SLC16A9: variants seen among roughly 807,000 people sequenced by gnomAD.
SLC16A9 encodes the protein solute carrier family 16 member 9.
SLC16A9 carries 26 observed loss-of-function variants against 44.3 expected under a neutral mutation model. That is an observed-to-expected ratio of 0.59 (90% CI 0.43 to 0.81). SLC16A9 has a LOEUF of 0.81. SLC16A9 is among the 40% of genes least tolerant of loss of function. The pLI is 0.00. For synonymous variants in SLC16A9, 230 were observed against 225.1 expected (o/e 1.02, Z -0.19); for missense variants, 559 against 595.8 (o/e 0.94, Z 0.64).
At chr10:59,669,795 A>G (rs1480269949) in intron 3 of SLC16A9, among the ~76,000 whole-genome samples, 1 of 151,854 alleles carries the variant, frequency 6.6e-6, no homozygotes, top group African/African-American at 2.4e-5. Flanking sequence ...CTCCGTCTCG[A>G]AAGAAAAAAA....
intron 3 of SLC16A9, among the ~76,000 whole-genome samples, chr10:59,665,921 C>T (rs1839604878): frequency 6.6e-6 from 1 of 151,936 alleles, no homozygotes; most frequent in Non-Finnish European, 1.5e-5. Context: ...GATTTAAAGG[C>T]CTTAGGGTTC....
At chr10:59,705,608 G>A (rs528067188) in intron 1 of SLC16A9, among the ~76,000 whole-genome samples, 9 of 152,094 alleles carry the variant, frequency 5.9e-5, no homozygotes, top group African/African-American at 1.9e-4. Flanking sequence ...TTTTTCTATC[G>A]GAAGTTTTAA....
chr10:59,660,248 C>G (rs765495982), intron 4 of SLC16A9, among the ~76,000 whole-genome samples: 1 of 152,040 alleles, frequency 6.6e-6, no homozygotes, highest in South Asian at 2.1e-4. Flanking sequence ...AATACATAGA[C>G]CGCTAGCCAG....
chr10:59,698,452 A>C (rs887695648), intron 1 of SLC16A9, among the ~76,000 whole-genome samples: 4 of 152,224 alleles, frequency 2.6e-5, no homozygotes, highest in Non-Finnish European at 5.9e-5. Context: ...CTCTGGCTAG[A>C]GAATGAGCAC....
intron 1 of SLC16A9, among the ~76,000 whole-genome samples, chr10:59,700,737 T>G (rs1466554559): frequency 6.6e-6 from 1 of 152,206 alleles, no homozygotes; most frequent in East Asian, 1.9e-4. Flanking sequence ...TCATCATTCC[T>G]CTACTCAGTG....
At chr10:59,655,319 A>C (rs563175963) in intron 4 of SLC16A9, among the ~76,000 whole-genome samples, 1 of 152,262 alleles carries the variant, frequency 6.6e-6, no homozygotes, top group African/African-American at 2.4e-5. Context: ...AAAAAAACCC[A>C]AAAACCAAGT....
upstream of SLC16A9, chr10:59,710,021 A>T (rs1336787947): frequency 1.3e-5 from 2 of 152,074 alleles, no homozygotes; most frequent in Non-Finnish European, 2.9e-5. Flanking sequence ...CCAGGCCTGG[A>T]GCCACCAAAG....
intron 1 of SLC16A9, among the ~76,000 whole-genome samples, chr10:59,707,463 A>T (rs1192284651): frequency 6.6e-6 from 1 of 151,946 alleles, no homozygotes; most frequent in Non-Finnish European, 1.5e-5. Context: ...AAGGATACAA[A>T]ATTTCAGTTA....
chr10:59,662,008 A>G (rs528729463), intron 4 of SLC16A9, among the ~76,000 whole-genome samples: 36 of 152,118 alleles, frequency 2.4e-4, no homozygotes, highest in African/African-American at 8.0e-4. Context: ...AGATTTAAAT[A>G]TAAGACCTAA....
At chr10:59,666,871 CAAAAA>C (rs34639816) in intron 3 of SLC16A9, among the ~76,000 whole-genome samples, 1 of 114,954 alleles carries the variant, frequency 8.7e-6, no homozygotes. Flanking sequence ...TATTTTCCAG[CAAAAA>C]AAAAAAAAAA....
At chr10:59,678,540 C>CTTTTTTTTTTTTTTTTTTTTT (rs1426559419) in intron 2 of SLC16A9, among the ~76,000 whole-genome samples, 20 of 22,304 alleles carry the variant, frequency 9.0e-4, no homozygotes, top group South Asian at 3.0e-3. Flanking sequence ...TTTTCTTTTT[C>CTTTTTTTTTTTTTTTTTTTTT]TTTTTCTTTT....
chr10:59,668,639 T>C (rs11006677), intron 3 of SLC16A9, among the ~76,000 whole-genome samples: 4,472 of 152,300 alleles, frequency 0.029, 204 homozygotes, highest in African/African-American at 0.1. Context: ...AAAACAATCT[T>C]GTAAGATAGT....
Position 59,681,817 on chromosome 10 carries a change from TG to T in SLC16A9, c.196+2278del, listed in dbSNP as rs1372100805. Among the ~76,000 whole-genome samples, 17 of 43,590 alleles carry T rather than the reference TG, an allele frequency of 3.9e-4. 2 individuals are homozygous for T. Among genetic ancestry groups the T allele is most frequent in the African/African-American group, 1.4e-3 (17 of 11,888 alleles). 28.6% of individuals were successfully genotyped at this position (43,590 alleles called of 152,430 possible). A position where few individuals can be genotyped will look rare whatever the true frequency, so the allele number is the denominator to read the frequency against. Reference sequence around the variant, plus strand: ...GTATATGTATATGTATATGTATATATGATGTATATGTATATGTATATGATGT... The same window carrying T: ...GTATATGTATATGTATATGTATATATATGTATATGTATATGTATATGATGT... On this transcript the variant is annotated intron_variant, in intron 2 of 5. Transcript: ENST00000395348.
intron 1 of SLC16A9, among the ~76,000 whole-genome samples, chr10:59,686,900 A>AC (rs1840146887): frequency 6.6e-6 from 1 of 152,184 alleles, no homozygotes; most frequent in Non-Finnish European, 1.5e-5. Context: ...GTACTGCAAG[A>AC]CCAGTGTCAG....
rs1201996379 is a variant in SLC16A9 at position 59,653,959 on chromosome 10, C to T, written c.1067G>A (p.Gly356Asp). ...ISIIGIMTAV[G>D]KLLLGILADF... ...AGCCAGTATCCCTAAAAGCAGTTTA[C>T]CAACTGCTGTCATAATGCCTATAAT... The change falls in exon 5 of 6, where the codon GGT becomes GAT. Residue 356 changes from glycine to aspartate, a missense_variant. Gly to Asp is a moderately conservative substitution (Grantham distance 94). Transcript: ENST00000395348. 1 of 1,613,932 alleles carries T rather than the reference C, an allele frequency of 6.2e-7. No homozygotes were observed. The highest frequency in any genetic ancestry group is 1.3e-5 in the African/African-American group (1 of 75,048).
intron 1 of SLC16A9, among the ~76,000 whole-genome samples, chr10:59,704,139 T>G (rs1321996893): frequency 5.3e-5 from 8 of 152,200 alleles, no homozygotes; most frequent in Non-Finnish European, 1.2e-4. Flanking sequence ...AACAATTAAC[T>G]GGAACTGAGT....
intron 1 of SLC16A9, among the ~76,000 whole-genome samples, chr10:59,698,190 T>G (rs1588996604): frequency 1.3e-5 from 2 of 152,346 alleles, no homozygotes; most frequent in East Asian, 3.9e-4. Flanking sequence ...AACTTTTAAA[T>G]CTTTAGTTAT....
intron 2 of SLC16A9, among the ~76,000 whole-genome samples, chr10:59,675,371 G>T (rs147286660): frequency 6.6e-6 from 1 of 152,188 alleles, no homozygotes; most frequent in African/African-American, 2.4e-5. Context: ...GAACATCAAG[G>T]TACTGTTAGA....
chr10:59,653,739 G>T lies in SLC16A9; in HGVS notation c.1287C>A (p.Ala429=). ...AGAACATTAATATCCCATAGGCATG[G>T]GCTAATTTTTCAATTCCCACAGTCT... ...TTKTVGIEKL[A]HAYGILMFFA... Residue 429 remains alanine (A), a synonymous_variant, in exon 5 of 6, where the codon GCC becomes GCA. Transcript: ENST00000395348. The T allele has an allele frequency of 6.2e-7, 1 of 1,614,078 alleles. No individual in the cohort carries two copies. The highest frequency in any genetic ancestry group is 1.1e-5 in the South Asian group (1 of 91,074).
Sources: gnomAD v4.1 joint callset for allele counts (sites outside exome capture counted in the v4.1 genomes callset) on GRCh38, gnomAD v4.1.1 for gene constraint, MANE v1.5 for transcripts, NCBI Gene and HGNC (gene_info 2026-07-23, HGNC 2026-07-21) for gene names.